PLCH1: variants seen among roughly 807,000 people sequenced by gnomAD.
The protein encoded by PLCH1 is phospholipase C eta 1, also known as 1-phosphatidylinositol 4,5-bisphosphate phosphodiesterase eta-1.
In PLCH1, 60 loss-of-function variants were observed where a neutral mutation model predicts 126.7. The ratio of observed to expected loss-of-function variants is 0.47; its 90% confidence interval spans 0.38 to 0.59. The LOEUF (loss-of-function observed/expected upper bound fraction) is 0.59. PLCH1 is among the 20% of genes least tolerant of loss of function. The pLI, the probability that PLCH1 is intolerant of heterozygous loss-of-function variation, is 0.00. For missense variants in PLCH1, 1,723 were observed against 2,040.0 expected (o/e 0.84, Z 2.99); for synonymous variants, 719 against 734.9 (o/e 0.98, Z 0.35).
intron 2 of PLCH1, among the ~76,000 whole-genome samples, chr3:155,702,837 C>T (rs1445453735): frequency 6.6e-6 from 1 of 152,082 alleles, no homozygotes; most frequent in Non-Finnish European, 1.5e-5. Flanking sequence ...ATAAATCAAA[C>T]ACTGCATGAG....
chr3:155,716,758 G>A lies in PLCH1; in HGVS notation c.-40-12494C>T, dbSNP rs996189497. Among the ~76,000 whole-genome samples the A allele has an allele frequency of 4.6e-5, 7 of 152,106 alleles. No homozygotes were observed. The East Asian group carries it at 1.2e-3, about 25-fold the overall frequency. Reference sequence around the variant, plus strand: ...TTACAAGTGAACATGAGATTTGGCCGGGACATGTATTCAAACTATATCATT... The same window carrying A: ...TTACAAGTGAACATGAGATTTGGCCAGGACATGTATTCAAACTATATCATT... On this transcript the variant is annotated intron_variant, in intron 1 of 22. Transcript: ENST00000460012.
At chr3:155,589,335 C>A (rs544016982) in intron 4 of PLCH1, among the ~76,000 whole-genome samples, 2 of 152,216 alleles carry the variant, frequency 1.3e-5, no homozygotes, top group Admixed American at 6.5e-5. Context: ...TTCCAATAAA[C>A]CTTTATTGGA....
chr3:155,607,726 G>T (rs1202722317), intron 2 of PLCH1, among the ~76,000 whole-genome samples: 1 of 152,138 alleles, frequency 6.6e-6, no homozygotes, highest in Admixed American at 6.5e-5. Context: ...ACAGGCATAA[G>T]CCTCTGTTTT....
At chr3:155,540,330 G>A (rs1406147962) in intron 10 of PLCH1, among the ~76,000 whole-genome samples, 1 of 152,018 alleles carries the variant, frequency 6.6e-6, no homozygotes, top group Non-Finnish European at 1.5e-5. Flanking sequence ...CATTGGCTGA[G>A]GCAAAGACTT....
At chr3:155,472,453 A>T (rs1312443792) in intron 21 of PLCH1, among the ~76,000 whole-genome samples, 1 of 152,058 alleles carries the variant, frequency 6.6e-6, no homozygotes, top group Non-Finnish European at 1.5e-5. Context: ...ACCAACCAAA[A>T]AGAGTCCAGG....
At chr3:155,489,294 T>C (rs1026714367) in intron 19 of PLCH1, among the ~76,000 whole-genome samples, 3 of 152,214 alleles carry the variant, frequency 2.0e-5, no homozygotes, top group African/African-American at 7.2e-5. Context: ...TTATTTCTTA[T>C]AGCAATTCTC....
rs535908017 is a variant in PLCH1, at chr3:155,537,202, C to CAAAAAAAAAA, written c.1362+12575_1362+12584dup. ...CTAGCACTACAAAAAAAAAAAAAAC[C>CAAAAAAAAAA]AAAAAAAAAAAAAAAAAAAAAAAAA... On this transcript the variant is annotated intron_variant, in intron 10 of 22. Coordinates refer to ENST00000460012, the MANE Select transcript of PLCH1 (RefSeq NM_014996.4). Among the ~76,000 whole-genome samples, 63 of 10,372 alleles carry CAAAAAAAAAA rather than the reference C, an allele frequency of 6.1e-3. 3 individuals carry two copies. The highest frequency in any genetic ancestry group is 0.12 in the Middle Eastern group (1 of 8). 6.8% of individuals were successfully genotyped at this position (10,372 alleles called of 152,430 possible).
chr3:155,527,919 C>CA (rs138092904), intron 10 of PLCH1, among the ~76,000 whole-genome samples: 4,236 of 87,046 alleles, frequency 0.049, 248 homozygotes, highest in African/African-American at 0.15. Flanking sequence ...CACTCCGTTT[C>CA]AAAAAAAAAA....
chr3:155,634,609 C>T (rs73005094), intron 2 of PLCH1, among the ~76,000 whole-genome samples: 2,660 of 152,264 alleles, frequency 0.017, 79 homozygotes, highest in African/African-American at 0.061. Context: ...GAACAACTGG[C>T]TGAAGCCTGG....
At chr3:155,470,643 A>C (rs909043893) in intron 21 of PLCH1, among the ~76,000 whole-genome samples, 1 of 152,150 alleles carries the variant, frequency 6.6e-6, no homozygotes, top group Non-Finnish European at 1.5e-5. Flanking sequence ...CCAAAGTTCA[A>C]ATGAAGGAAA....
At position 155,626,610 on chromosome 3, in the gene PLCH1, A is replaced by C. The variant is rs563257325; in HGVS notation, c.80-30232T>G. 3.3e-5 allele frequency among the ~76,000 whole-genome samples: 5 copies of C among 152,020 alleles called. No individual in the cohort carries two copies. The South Asian group carries it at 1.0e-3, about 32-fold the overall frequency. ...CGGTGAGACCCCATCTCTACTAAAA[A>C]TACAAAAAATTAGCCGGGCGTGGTG... is the stretch of plus-strand genomic sequence containing the variant. On this transcript the variant is annotated intron_variant, in intron 2 of 22. Transcript: ENST00000460012.
intron 2 of PLCH1, among the ~76,000 whole-genome samples, chr3:155,614,515 A>G (rs962410735): frequency 9.9e-5 from 15 of 152,160 alleles, no homozygotes; most frequent in African/African-American, 3.6e-4. Flanking sequence ...GAGGCATCAC[A>G]TTACCCAACT....
intron 11 of PLCH1, among the ~76,000 whole-genome samples, chr3:155,520,286 T>C (rs1204806403): frequency 1.3e-5 from 2 of 152,192 alleles, no homozygotes; most frequent in Non-Finnish European, 2.9e-5. Flanking sequence ...CTTTTTAGGA[T>C]AGCTCAAAGC....
intron 2 of PLCH1, among the ~76,000 whole-genome samples, chr3:155,694,795 A>G (rs941920479): frequency 6.6e-6 from 1 of 152,150 alleles, no homozygotes; most frequent in Non-Finnish European, 1.5e-5. Flanking sequence ...AGATTCTTAG[A>G]GGAAAGGCCT....
intron 2 of PLCH1, among the ~76,000 whole-genome samples, chr3:155,612,357 T>A (rs1460956909): frequency 6.8e-6 from 1 of 146,488 alleles, no homozygotes; most frequent in Non-Finnish European, 1.5e-5. Context: ...AAGAGGAAAC[T>A]TCATAGCATT....
chr3:155,580,274 G>GA (rs1260076288), intron 6 of PLCH1, among the ~76,000 whole-genome samples: 2 of 152,020 alleles, frequency 1.3e-5, no homozygotes, highest in Non-Finnish European at 2.9e-5. Context: ...AAATAATTCA[G>GA]AAAAAACATA....
intron 2 of PLCH1, among the ~76,000 whole-genome samples, chr3:155,649,330 T>C (rs1740426925): frequency 6.6e-6 from 1 of 152,146 alleles, no homozygotes; most frequent in Non-Finnish European, 1.5e-5. Context: ...CCCTATATAA[T>C]TCTGTTTCGG....
At chr3:155,461,682 A>G (rs1046113082) in intron 21 of PLCH1, among the ~76,000 whole-genome samples, 9 of 152,180 alleles carry the variant, frequency 5.9e-5, no homozygotes, top group Non-Finnish European at 1.2e-4. Context: ...AGAGTGTGGT[A>G]TGATATGTTG....
At chr3:155,518,122 A>T (rs548885466) in intron 11 of PLCH1, among the ~76,000 whole-genome samples, 29 of 152,298 alleles carry the variant, frequency 1.9e-4, no homozygotes, top group Middle Eastern at 6.8e-3. Flanking sequence ...ACAGTGCAAG[A>T]TTTCATCACA....
Sources: gnomAD v4.1 joint callset for allele counts (sites outside exome capture counted in the v4.1 genomes callset) on GRCh38, gnomAD v4.1.1 for gene constraint, MANE v1.5 for transcripts, NCBI Gene and HGNC (gene_info 2026-07-23, HGNC 2026-07-21) for gene names.